Variants in IGSF9 observed in about 807,000 individuals in gnomAD.
The protein encoded by IGSF9 is immunoglobulin superfamily member 9, also known as protein turtle homolog A.
A neutral mutation model predicts 121.7 loss-of-function variants in IGSF9; 87 were observed. That is an observed-to-expected ratio of 0.71 (90% CI 0.60 to 0.85). The LOEUF is 0.85. Ranked by LOEUF, IGSF9 falls within the 40% of genes least tolerant of loss-of-function variation. The probability of loss-of-function intolerance (pLI) is 0.00; values close to 1 mark genes in which losing one functional copy is unlikely to be tolerated. For synonymous variants in IGSF9, 640 were observed against 648.4 expected (o/e 0.99, Z 0.20); for missense variants, 1,462 against 1,565.3 (o/e 0.93, Z 1.11).
intron 18 of IGSF9, 44 bp downstream of exon 18, chr1:159,929,307 A>C: frequency 6.3e-7 from 1 of 1,599,044 alleles, no homozygotes; most frequent in African/African-American, 1.3e-5. Context: ...ACTGGCACGT[A>C]CAATGGAAAG....
chr1:159,945,166 C>T (rs1156740397), intron 1 of IGSF9, among the ~76,000 whole-genome samples: 3 of 151,924 alleles, frequency 2.0e-5, no homozygotes, highest in Non-Finnish European at 2.9e-5. Flanking sequence ...AGGTCTCCTG[C>T]ACTATAAAGA....
At position 159,928,316 on chromosome 1, in the gene IGSF9, C is replaced by G; in HGVS notation, c.3072G>C (p.Gln1024His). 6.2e-7 allele frequency: 1 copy of G among 1,611,018 alleles called. No homozygotes were observed. The highest frequency in any genetic ancestry group is 8.5e-7 in the Non-Finnish European group (1 of 1,178,738). ...PAAPRGSLTS[Q>H]SSGRGSASFL... is the part of the protein sequence containing the mutation. ...ACGAAGCGCTGCCTCGCCCACTGCTCTGGCTGGTGAGGCTGCCTCGAGGGG... is the reference window on the plus strand; with the variant it reads ...ACGAAGCGCTGCCTCGCCCACTGCTGTGGCTGGTGAGGCTGCCTCGAGGGG... Residue 1024 changes from glutamine to histidine, a missense_variant, in exon 19 of 21, where the codon CAG becomes CAC. Coordinates refer to ENST00000368094, the MANE Select transcript of IGSF9 (RefSeq NM_001135050.2).
In IGSF9 at chr1:159,936,758, A is replaced by ACCTGGC. The variant is rs770911519; in HGVS notation, c.545_550dup (p.Gly182_Gln183dup). The ACCTGGC allele has an allele frequency of 4.3e-6, 7 of 1,614,020 alleles. No individual in the cohort carries two copies. The South Asian group carries it at 4.4e-5, about 10-fold the overall frequency. On this transcript the variant is annotated inframe_insertion, in exon 5 of 21. Transcript: ENST00000368094. ...CTGTCCACCCCCAGGACTCACTTGC[A>ACCTGGC]CCTGGCCCTGGCCCTGGCCAAGGTC...
In IGSF9 at chr1:159,936,791, C is replaced by T. The variant is rs759749289; in HGVS notation, c.518G>A (p.Arg173Gln). The T allele has an allele frequency of 9.3e-6, 15 of 1,614,100 alleles. 1 individual carries two copies. The South Asian group carries it at 1.2e-4, about 13-fold the overall frequency. The change falls in exon 5 of 21, where the codon CGA becomes CAA. Residue 173 changes from arginine to glutamine, a missense_variant. Transcript: ENST00000368094. ...SPLPHVTWKL[R>Q]GKDLGQGQGQ... The stretch of plus-strand genomic sequence containing the variant: ...CTGGCCCTGGCCAAGGTCCTTTCCT[C>T]GGAGCTTCCACGTCACATGAGGCAG...
At chr1:159,936,259 A>G (rs1360941902) in intron 6 of IGSF9, 140 bp downstream of exon 6, 1 of 721,828 alleles carries the variant, frequency 1.4e-6, no homozygotes, top group African/African-American at 1.7e-5. Flanking sequence ...AACAGCCTGC[A>G]TTGGGAACCC....
Position 159,943,426 on chromosome 1 carries a change from A to C in IGSF9, c.29T>G (p.Leu10Arg). The change falls in exon 2 of 21, where the codon CTC becomes CGC. Residue 10 changes from leucine to arginine, a missense_variant. Leu to Arg is a moderately radical substitution (Grantham distance 102). This residue lies in a region of IGSF9 where 558 missense variants were observed against 599.4 expected (regional missense o/e 0.93). Transcript: ENST00000368094. ...AGCCCCCTGGCTGATGACCAGGCTG[A>C]GGACGGCCAGGCCGAGGCACCACAC... MVWCLGLAV[L>R]SLVISQGADG... 7.6e-6 allele frequency: 12 copies of C among 1,588,950 alleles called. No homozygotes were observed. The highest frequency in any genetic ancestry group is 9.4e-6 in the Non-Finnish European group (11 of 1,167,210).
rs542843331 is a variant in IGSF9 at position 159,937,508 on chromosome 1, G to C, written c.400+178C>G. On this transcript the variant is annotated intron_variant, in intron 4 of 20. Coordinates refer to ENST00000368094, the MANE Select transcript of IGSF9 (RefSeq NM_001135050.2). ...GAAGAACTGAAAAGGGCAGGAGTGTGGGGGAGGGGTGAGATGCAACTACTA... is the reference window on the plus strand; with the variant it reads ...GAAGAACTGAAAAGGGCAGGAGTGTCGGGGAGGGGTGAGATGCAACTACTA... 9.9e-5 allele frequency among the ~76,000 whole-genome samples: 15 copies of C among 152,164 alleles called. No homozygotes were observed. The South Asian group carries it at 3.1e-3, about 32-fold the overall frequency.
At position 159,931,489 on chromosome 1, in the gene IGSF9, C is replaced by A. The variant is rs199563719; in HGVS notation, c.1477G>T (p.Ala493Ser). 6.2e-7 allele frequency: 1 copy of A among 1,614,108 alleles called. No homozygotes were observed. Among genetic ancestry groups the A allele is most frequent in the South Asian group, 1.1e-5 (1 of 91,082 alleles). The change falls in exon 12 of 21, where the codon GCC becomes TCC. Residue 493 changes from alanine (A) to serine (S), a missense_variant. Physicochemically the swap from Ala to Ser is moderately conservative, Grantham distance 99. Transcript: ENST00000368094. This position sits in a 1 kb window ranked among gnomAD's most constrained non-coding sequence, Gnocchi z 4.8. ...HWECSASNAV[A>S]RVATSTNVYV... ...ACGTTCGTGGAGGTGGCCACTCGGGCCACAGCATTGCTGGCACTGCATTCC... is the reference window on the plus strand; with the variant it reads ...ACGTTCGTGGAGGTGGCCACTCGGGACACAGCATTGCTGGCACTGCATTCC...
intron 1 of IGSF9, 120 bp from the exon 2 acceptor site, chr1:159,943,748 G>A (rs1418268943): frequency 8.6e-6 from 3 of 350,356 alleles, no homozygotes; most frequent in Non-Finnish European, 1.0e-5. Flanking sequence ...TAAGTGAGGG[G>A]TAGGGGGAAG....
In IGSF9 at chr1:159,929,628, AG is replaced by A; in HGVS notation, c.2326+9del. On this transcript the variant is annotated intron_variant, in intron 17 of 20. Coordinates refer to ENST00000368094, the MANE Select transcript of IGSF9 (RefSeq NM_001135050.2). Reference sequence around the variant, plus strand: ...TGCGCAGTAGCAGGGCTGAGGGTGGAGGGACTTACCTTGGCGGAGGCGCTTG... The same window carrying A: ...TGCGCAGTAGCAGGGCTGAGGGTGGAGGACTTACCTTGGCGGAGGCGCTTG... 1.3e-6 allele frequency: 2 copies of A among 1,591,162 alleles called. 1 individual carries two copies. Among genetic ancestry groups the A allele is most frequent in the South Asian group, 2.3e-5 (2 of 87,428 alleles).
chr1:159,933,094 TACTC>T (rs1273790758), intron 9 of IGSF9: 5 of 158,026 alleles, frequency 3.2e-5, no homozygotes, highest in African/African-American at 1.2e-4. Flanking sequence ...CCTGGTGAAA[TACTC>T]ACTAAGCCAG....
chr1:159,933,443 C>T (rs545369933), intron 9 of IGSF9: 17 of 152,328 alleles, frequency 1.1e-4, no homozygotes, highest in African/African-American at 3.9e-4. Context: ...AATTTATAGT[C>T]TCTGCAGACA....
intron 1 of IGSF9, among the ~76,000 whole-genome samples, chr1:159,945,122 T>C (rs937964020): frequency 1.3e-5 from 2 of 151,270 alleles, no homozygotes; most frequent in Non-Finnish European, 2.9e-5. Flanking sequence ...CCCCCCACAA[T>C]TCCAGCTTCT....
intron 3 of IGSF9, among the ~76,000 whole-genome samples, chr1:159,939,846 T>A (rs970341193): frequency 1.3e-5 from 2 of 152,150 alleles, no homozygotes; most frequent in African/African-American, 4.8e-5. Context: ...ACCCCGGAGA[T>A]AAGACTAGGC....
chr1:159,927,936 G>C, intron 19 of IGSF9, 49 bp from the exon 20 acceptor site: 17 of 1,588,630 alleles, frequency 1.1e-5, no homozygotes, highest in Non-Finnish European at 1.4e-5. Context: ...TGGAGGAATA[G>C]AGGCTGTTCA....
chr1:159,936,418 G>A lies in IGSF9; in HGVS notation c.654C>T (p.Ala218=). ...GAGCACCTAGCACTAGCAGCTGGGTGGCGTGGGTGGCGCTGCCCTCAGTGC... is the reference window on the plus strand; with the variant it reads ...GAGCACCTAGCACTAGCAGCTGGGTAGCGTGGGTGGCGCTGCCCTCAGTGC... ...ASSTEGSATH[A]TQLLVLGPPV... is the part of the protein sequence containing the mutation. The change falls in exon 6 of 21, where the codon GCC becomes GCT. Residue 218 remains alanine, a synonymous_variant. Coordinates refer to ENST00000368094, the MANE Select transcript of IGSF9 (RefSeq NM_001135050.2). 1.2e-6 allele frequency: 2 copies of A among 1,613,980 alleles called. No homozygotes were observed. Among genetic ancestry groups the A allele is most frequent in the Non-Finnish European group, 1.7e-6 (2 of 1,179,934 alleles).
In IGSF9 at chr1:159,936,382, C is replaced by T. The variant is rs1490699153; in HGVS notation, c.673+17G>A. The stretch of plus-strand genomic sequence containing the variant: ...GCATAGGTAACCCTGGACCCCAGCC[C>T]TCCCGCCAGAGAGCACCTAGCACTA... On this transcript the variant is annotated intron_variant, in intron 6 of 20. Transcript: ENST00000368094. 2.3e-5 allele frequency: 37 copies of T among 1,608,946 alleles called. No individual in the cohort carries two copies. The highest frequency in any genetic ancestry group is 2.6e-5 in the Non-Finnish European group (30 of 1,175,692).
Position 159,930,434 on chromosome 1 carries a change from G to A in IGSF9, c.1819C>T (p.Pro607Ser). 1 of 1,535,594 alleles carries A rather than the reference G, an allele frequency of 6.5e-7. No individual in the cohort carries two copies. Among genetic ancestry groups the A allele is most frequent in the Non-Finnish European group, 8.8e-7 (1 of 1,142,254 alleles). ...AGCCCGGGTGCAGCTGGCGTGGTAG[G>A]AAGCCCTGCGTGGGACAGAAAGGCA... is the stretch of plus-strand genomic sequence containing the variant. ...EIVLSAPEGL[P>S]TTPAAPGLPP... Residue 607 changes from proline to serine, a missense_variant, in exon 15 of 21, where the codon CCT becomes TCT. Transcript: ENST00000368094.
At chr1:159,934,131 C>T in intron 9 of IGSF9, 59 bp downstream of exon 9, 2 of 1,557,794 alleles carry the variant, frequency 1.3e-6, no homozygotes, top group Non-Finnish European at 1.7e-6. Context: ...CTCCACCCTG[C>T]TGTCCTGAGC....
Sources: allele counts gnomAD v4.1 joint callset (sites outside exome capture counted in the v4.1 genomes callset), GRCh38; gene constraint gnomAD v4.1.1; regional missense constraint gnomAD v4.1.1; non-coding constraint Gnocchi (gnomAD v3.1); transcripts MANE v1.5; gene names NCBI Gene and HGNC (gene_info 2026-07-23, HGNC 2026-07-21).